Variants in PDE1A observed in about 807,000 individuals in gnomAD.
PDE1A encodes the protein dual specificity calcium/calmodulin-dependent 3',5'-cyclic nucleotide phosphodiesterase 1A.
Under a neutral mutation model 61.7 loss-of-function variants are expected in PDE1A, and 35 were observed. The ratio of observed to expected loss-of-function variants is 0.57; its 90% CI spans 0.43 to 0.75. PDE1A has a LOEUF of 0.75. Among genes scored for constraint, PDE1A ranks in the 30% least tolerant of loss-of-function variants. PDE1A has a pLI of 0.00. For synonymous variants in PDE1A, 232 were observed against 213.2 expected (o/e 1.09, Z -0.77); for missense variants, 597 against 630.6 (o/e 0.95, Z 0.57).
chr2:182,561,335 T>C, the PDE1A span, among the ~76,000 whole-genome samples: 1 of 152,128 alleles, frequency 6.6e-6, no homozygotes, highest in Admixed American at 6.5e-5. Context: ...TTGCTTGTTT[T>C]TCTCAGGTTT....
chr2:182,381,578 C>T (rs1048548791), intron 1 of PDE1A, among the ~76,000 whole-genome samples: 3 of 152,080 alleles, frequency 2.0e-5, no homozygotes, highest in South Asian at 2.1e-4. Context: ...CTTTGGGAGG[C>T]GGAGGCGAGC....
At chr2:182,575,795 TA>T in the PDE1A span, among the ~76,000 whole-genome samples, 2 of 146,624 alleles carry the variant, frequency 1.4e-5, no homozygotes, top group Non-Finnish European at 3.0e-5. Flanking sequence ...TAATAATTAG[TA>T]TTATTAATTA....
chr2:182,397,252 C>T (rs1194151347), intron 1 of PDE1A, among the ~76,000 whole-genome samples: 1 of 151,978 alleles, frequency 6.6e-6, no homozygotes, highest in Non-Finnish European at 1.5e-5. Flanking sequence ...GCAAGATGAA[C>T]AGAAATAACA....
intron 1 of PDE1A, among the ~76,000 whole-genome samples, chr2:182,389,764 C>A (rs1437319043): frequency 6.6e-6 from 1 of 152,082 alleles, no homozygotes; most frequent in African/African-American, 2.4e-5. Context: ...GGTAGACTCA[C>A]CCTCAATCTG....
At chr2:182,184,448 TA>T (rs201234645) in intron 13 of PDE1A, among the ~76,000 whole-genome samples, 26 of 151,160 alleles carry the variant, frequency 1.7e-4, no homozygotes, top group Admixed American at 1.5e-3. Context: ...AGTGCTAAAA[TA>T]AAAAAAAATC....
intron 1 of PDE1A, among the ~76,000 whole-genome samples, chr2:182,404,425 G>A (rs1342223955): frequency 3.9e-5 from 6 of 152,080 alleles, no homozygotes; most frequent in Non-Finnish European, 8.8e-5. Context: ...GTACACTTAG[G>A]CTACACTAAA....
the PDE1A span, among the ~76,000 whole-genome samples, chr2:182,657,462 A>G: frequency 6.1e-4 from 93 of 152,338 alleles, no homozygotes; most frequent in African/African-American, 2.0e-3. Flanking sequence ...TATAAAAAAT[A>G]CTTGCCAGAC....
chr2:182,715,775 T>C, the PDE1A span, among the ~76,000 whole-genome samples: 1 of 152,204 alleles, frequency 6.6e-6, no homozygotes, highest in East Asian at 1.9e-4. Context: ...TTCCTTCAAG[T>C]TTCCTACTGC....
chr2:182,667,709 G>A, the PDE1A span, among the ~76,000 whole-genome samples: 1 of 152,194 alleles, frequency 6.6e-6, no homozygotes, highest in Non-Finnish European at 1.5e-5. Flanking sequence ...TGAGTCAACA[G>A]TCCAAACAGA....
chr2:182,343,639 T>C (rs557979352), intron 1 of PDE1A, among the ~76,000 whole-genome samples: 37 of 152,272 alleles, frequency 2.4e-4, no homozygotes, highest in African/African-American at 7.7e-4. Flanking sequence ...TATTATTGTG[T>C]TTTTGCAATA....
At chr2:182,164,752 G>T (rs947884506), downstream of PDE1A, among the ~76,000 whole-genome samples, 2 of 152,022 alleles carry the variant, frequency 1.3e-5, no homozygotes, top group Non-Finnish European at 2.9e-5. Flanking sequence ...CCATTCCCCA[G>T]GGCAGATTGA....
intron 1 of PDE1A, among the ~76,000 whole-genome samples, chr2:182,424,581 G>C (rs957780334): frequency 2.0e-5 from 3 of 152,176 alleles, no homozygotes; most frequent in African/African-American, 7.2e-5. Context: ...AACGAAGTGA[G>C]GCATGAGATA....
At chr2:182,464,179 A>C (rs1002228522) in intron 2 of PDE1A, among the ~76,000 whole-genome samples, 3 of 152,158 alleles carry the variant, frequency 2.0e-5, no homozygotes, top group African/African-American at 7.2e-5. Flanking sequence ...TGGAGATTCT[A>C]CAATTGTTCA....
chr2:182,653,492 A>G, the PDE1A span, among the ~76,000 whole-genome samples: 6 of 152,204 alleles, frequency 3.9e-5, no homozygotes, highest in Admixed American at 1.3e-4. Context: ...CTATGAAATT[A>G]GGCTCTTGAT....
At chr2:182,436,483 GATACCAGAAGAGA>G (rs1196757205) in intron 2 of PDE1A, among the ~76,000 whole-genome samples, 1 of 151,906 alleles carries the variant, frequency 6.6e-6, no homozygotes, top group African/African-American at 2.4e-5. Context: ...TGCATGGCTC[GATACCAGAAGAGA>G]ATACTGGAAA....
chr2:182,409,807 T>C (rs551647749), intron 1 of PDE1A, among the ~76,000 whole-genome samples: 7 of 152,318 alleles, frequency 4.6e-5, no homozygotes, highest in African/African-American at 1.2e-4. Context: ...TATGGTCTAT[T>C]AGTAAAAAAT....
At chr2:182,599,418 C>A in the PDE1A span, among the ~76,000 whole-genome samples, 1 of 152,166 alleles carries the variant, frequency 6.6e-6, no homozygotes, top group Non-Finnish European at 1.5e-5. Flanking sequence ...ATGACCCAGC[C>A]TCCATAGCTA....
chr2:182,188,990 T>C, exon 11 of PDE1A: 1 of 1,610,624 alleles, frequency 6.2e-7, no homozygotes, highest in Non-Finnish European at 8.5e-7. Context: ...TATTTGTGAC[T>C]GGGCCACCAT....
At chr2:182,644,338 C>T in the PDE1A span, among the ~76,000 whole-genome samples, 1 of 138,360 alleles carries the variant, frequency 7.2e-6, no homozygotes, top group South Asian at 2.4e-4. Flanking sequence ...TGTATGAAAC[C>T]CAAAGTTGTT....
Sources: gnomAD v4.1 joint callset for allele counts (sites outside exome capture counted in the v4.1 genomes callset) on GRCh38, gnomAD v4.1.1 for gene constraint, MANE v1.5 for transcripts, NCBI Gene and HGNC (gene_info 2026-07-23, HGNC 2026-07-21) for gene names.